Variants in KCNH7 observed in about 807,000 individuals in gnomAD.
KCNH7 encodes potassium voltage-gated channel subfamily H member 7.
Under a neutral mutation model 120.8 loss-of-function variants are expected in KCNH7, and 49 were observed. The ratio of observed to expected loss-of-function variants is 0.41; its 90% CI spans 0.32 to 0.51. The LOEUF (loss-of-function observed/expected upper bound fraction) is 0.51, where lower values mean the gene tolerates loss of function less well. KCNH7 is among the 20% of genes least tolerant of loss of function. The pLI is 0.38. For missense variants in KCNH7, 1,097 were observed against 1,446.6 expected, an observed-to-expected ratio of 0.76 and a Z score of 3.92; for synonymous variants, 547 against 516.1, an observed-to-expected ratio of 1.06 and a Z score of -0.81.
intron 2 of KCNH7, among the ~76,000 whole-genome samples, chr2:162,751,632 C>A (rs1307428902): frequency 6.6e-6 from 1 of 151,718 alleles, no homozygotes; most frequent in Admixed American, 6.6e-5. Flanking sequence ...TTGTAAAGGA[C>A]CTATTTGCAG....
intron 2 of KCNH7, among the ~76,000 whole-genome samples, chr2:162,574,937 T>C (rs541317133): frequency 3.3e-5 from 5 of 152,126 alleles, no homozygotes; most frequent in African/African-American, 1.2e-4. Context: ...AATGCTCAGG[T>C]AGATGAGAAT....
At chr2:162,444,194 T>A (rs1685498058) in intron 7 of KCNH7, among the ~76,000 whole-genome samples, 1 of 152,144 alleles carries the variant, frequency 6.6e-6, no homozygotes, top group African/African-American at 2.4e-5. Context: ...CCCTCTGCCA[T>A]CCCCTACCCC....
At chr2:162,821,854 C>T (rs992157358) in intron 2 of KCNH7, among the ~76,000 whole-genome samples, 5 of 151,936 alleles carry the variant, frequency 3.3e-5, no homozygotes, top group Admixed American at 6.6e-5. Context: ...GAGGGTTGGA[C>T]TGAGTTTACA....
intron 2 of KCNH7, among the ~76,000 whole-genome samples, chr2:162,656,134 T>C (rs1404409414): frequency 6.6e-6 from 1 of 152,238 alleles, no homozygotes; most frequent in Non-Finnish European, 1.5e-5. Flanking sequence ...ATGTTCTCTT[T>C]TGAAATTTGA....
intron 6 of KCNH7, among the ~76,000 whole-genome samples, chr2:162,481,989 TATC>T (rs1194721874): frequency 1.4e-5 from 2 of 147,154 alleles, no homozygotes; most frequent in East Asian, 1.9e-4. Context: ...TCTATCTATC[TATC>T]ATCAATCTAT....
At chr2:162,685,940 A>C (rs1295860276) in intron 2 of KCNH7, among the ~76,000 whole-genome samples, 2 of 152,134 alleles carry the variant, frequency 1.3e-5, no homozygotes, top group Non-Finnish European at 1.5e-5. Flanking sequence ...AGAAGACAAA[A>C]CAATAAAATA....
chr2:162,472,418 A>G (rs1689576643), intron 6 of KCNH7, among the ~76,000 whole-genome samples: 2 of 152,218 alleles, frequency 1.3e-5, no homozygotes, highest in Non-Finnish European at 2.9e-5. Flanking sequence ...CCCATCAACA[A>G]GTGGGTAAAG....
intron 2 of KCNH7, among the ~76,000 whole-genome samples, chr2:162,739,115 C>A: frequency 6.6e-6 from 1 of 152,280 alleles, no homozygotes; most frequent in Middle Eastern, 3.4e-3. Context: ...CTTTGGGAGC[C>A]TCAGATGCCC....
intron 4 of KCNH7, among the ~76,000 whole-genome samples, chr2:162,516,926 T>A (rs1558989658): frequency 6.6e-6 from 1 of 151,776 alleles, no homozygotes; most frequent in Non-Finnish European, 1.5e-5. Flanking sequence ...TTTCCTCACT[T>A]ACTAAATAGG....
intron 6 of KCNH7, among the ~76,000 whole-genome samples, chr2:162,450,816 C>G (rs1248717242): frequency 6.6e-6 from 1 of 151,856 alleles, no homozygotes; most frequent in African/African-American, 2.4e-5. Context: ...AGGATCAAGA[C>G]CAGATACTTA....
chr2:162,558,461 AC>A (rs1343444007), intron 2 of KCNH7, among the ~76,000 whole-genome samples: 1 of 142,380 alleles, frequency 7.0e-6, no homozygotes, highest in African/African-American at 2.7e-5. Flanking sequence ...GGCGTGAGCC[AC>A]CGTGCCCGGC....
intron 10 of KCNH7, 99 bp downstream of exon 10, chr2:162,400,089 CT>C: frequency 1.5e-6 from 2 of 1,309,130 alleles, no homozygotes; most frequent in Non-Finnish European, 2.1e-6. Context: ...TTAAACTGTT[CT>C]TATGAATACA....
intron 3 of KCNH7, among the ~76,000 whole-genome samples, chr2:162,522,248 T>C (rs1158574629): frequency 6.6e-6 from 1 of 152,022 alleles, no homozygotes; most frequent in East Asian, 2.0e-4. Context: ...TCTGCAAGCT[T>C]ATTACGATGC....
intron 2 of KCNH7, among the ~76,000 whole-genome samples, chr2:162,559,495 T>C (rs1386712418): frequency 6.6e-6 from 1 of 152,202 alleles, no homozygotes; most frequent in African/African-American, 2.4e-5. Flanking sequence ...CAAAACAGTT[T>C]TATTTTAGAA....
At chr2:162,611,347 C>A (rs1465740136) in intron 2 of KCNH7, among the ~76,000 whole-genome samples, 1 of 152,112 alleles carries the variant, frequency 6.6e-6, no homozygotes, top group African/African-American at 2.4e-5. Context: ...GATCTTATTC[C>A]GTGACATAAG....
chr2:162,503,651 A>T (rs1690765911), intron 6 of KCNH7, among the ~76,000 whole-genome samples: 1 of 152,046 alleles, frequency 6.6e-6, no homozygotes, highest in Non-Finnish European at 1.5e-5. Flanking sequence ...AATGCTTGGG[A>T]TAAAGAATGG....
chr2:162,549,103 C>T (rs1041306770), intron 2 of KCNH7, among the ~76,000 whole-genome samples: 15 of 152,122 alleles, frequency 9.9e-5, no homozygotes, highest in Admixed American at 7.9e-4. Flanking sequence ...GACCTTGCCT[C>T]TAGTTCTGAA....
At chr2:162,836,896 C>A (rs1311071381) in intron 1 of KCNH7, 129 bp from the exon 2 acceptor site, 3 of 595,538 alleles carry the variant, frequency 5.0e-6, no homozygotes, top group Non-Finnish European at 8.7e-6. Context: ...ATCTCTCCAG[C>A]CCTTATGAAA....
chr2:162,401,929 A>G (rs1408187218), intron 9 of KCNH7, among the ~76,000 whole-genome samples: 1 of 151,886 alleles, frequency 6.6e-6, no homozygotes, highest in Non-Finnish European at 1.5e-5. Flanking sequence ...AACTACTCAT[A>G]AATAGTGTGC....
Sources: gnomAD v4.1 joint callset for allele counts (sites outside exome capture counted in the v4.1 genomes callset) on GRCh38, gnomAD v4.1.1 for gene constraint, MANE v1.5 for transcripts, NCBI Gene and HGNC (gene_info 2026-07-23, HGNC 2026-07-21) for gene names.